The following LAMA3 variants were observed in gnomAD, a reference collection of about 807,000 sequenced individuals.
LAMA3 encodes laminin subunit alpha 3.
Under a neutral mutation model 402.0 loss-of-function variants are expected in LAMA3, and 281 were observed. The observed-to-expected ratio is 0.70, with a 90% CI of 0.63 to 0.77. The LOEUF is 0.77. Among genes scored for constraint, LAMA3 ranks in the 30% least tolerant of loss-of-function variants. LAMA3 has a pLI of 0.00. For missense variants in LAMA3, 3,840 were observed against 4,215.5 expected, an observed-to-expected ratio of 0.91 and a Z score of 2.47; for synonymous variants, 1,431 against 1,558.4, an observed-to-expected ratio of 0.92 and a Z score of 1.93.
chr18:23,928,362 A>T, intron 63 of LAMA3, 122 bp downstream of exon 63: 2 of 762,802 alleles, frequency 2.6e-6, no homozygotes, highest in Non-Finnish European at 4.7e-6. Flanking sequence ...GAACTGGCTC[A>T]TATACACTCC....
chr18:23,824,179 TA>T (rs1440387685), intron 20 of LAMA3, among the ~76,000 whole-genome samples: 1 of 152,252 alleles, frequency 6.6e-6, no homozygotes, highest in African/African-American at 2.4e-5. Context: ...TTTAATAAGT[TA>T]AACAATTATT....
intron 50 of LAMA3, among the ~76,000 whole-genome samples, chr18:23,904,339 C>G (rs777191110): frequency 1.3e-5 from 2 of 151,862 alleles, no homozygotes; most frequent in Non-Finnish European, 2.9e-5. Context: ...AAATGAAATG[C>G]GAAGAGGCTG....
chr18:23,814,336 C>A, intron 14 of LAMA3, 67 bp from the exon 15 acceptor site: 1 of 1,171,528 alleles, frequency 8.5e-7, no homozygotes, highest in Non-Finnish European at 1.3e-6. Flanking sequence ...AGTCTTTGCT[C>A]ACGCACAGGT....
At chr18:23,898,924 T>A (rs1478092273) in intron 45 of LAMA3, 30 bp from the exon 46 acceptor site, 1 of 1,592,940 alleles carries the variant, frequency 6.3e-7, no homozygotes. Context: ...TTGACTTAAT[T>A]TGCTGCTAAT....
chr18:23,921,418 G>A (rs780604494), intron 61 of LAMA3, 34 bp from the exon 62 acceptor site: 18 of 1,606,822 alleles, frequency 1.1e-5, no homozygotes, highest in Middle Eastern at 1.7e-4. Context: ...TCTTATTTTC[G>A]CTGGCTTGCT....
intron 54 of LAMA3, among the ~76,000 whole-genome samples, chr18:23,908,851 G>T (rs1283930320): frequency 6.6e-6 from 1 of 152,216 alleles, no homozygotes; most frequent in African/African-American, 2.4e-5. Context: ...ATTCACATGG[G>T]TGGGACCATA....
rs1462634944 is a variant in LAMA3, at chr18:23,910,244, G to T, written c.7158+949G>T. On this transcript the variant is annotated intron_variant, in intron 55 of 74. Transcript: ENST00000313654. ...CCAGACTGTCTTGGTTTCAATTCTTGCTCTGCCTTTGGTGAGCTGTGAGAC... is the reference window on the plus strand; with the variant it reads ...CCAGACTGTCTTGGTTTCAATTCTTTCTCTGCCTTTGGTGAGCTGTGAGAC... Among the ~76,000 whole-genome samples the T allele has an allele frequency of 4.6e-5, 7 of 152,160 alleles. No individual in the cohort carries two copies. The East Asian group carries it at 1.3e-3, about 29-fold the overall frequency.
At chr18:23,882,439 G>C (rs532442519) in intron 40 of LAMA3, among the ~76,000 whole-genome samples, 1 of 152,076 alleles carries the variant, frequency 6.6e-6, no homozygotes, top group East Asian at 1.9e-4. Flanking sequence ...AGACCAGCCT[G>C]GCCAACATGG....
In LAMA3 at chr18:23,758,414, G is replaced by A. The variant is rs370117238; in HGVS notation, c.966G>A (p.Gln322=). 2 of 1,613,848 alleles carry A rather than the reference G, an allele frequency of 1.2e-6. No individual in the cohort carries two copies. The highest frequency in any genetic ancestry group is 2.7e-5 in the African/African-American group (2 of 74,952). ...TGCCCAGGTTTCGGTGTGAATGCCAGCACCACACCTGTGGGGAGACGTGTG... is the reference window on the plus strand; with the variant it reads ...TGCCCAGGTTTCGGTGTGAATGCCAACACCACACCTGTGGGGAGACGTGTG... The part of the protein sequence containing the change: ...NPEKLFRCEC[Q]HHTCGETCDR... Residue 322 remains glutamine (Q), a synonymous_variant, in exon 7 of 75, where the codon CAG becomes CAA. Coordinates refer to ENST00000313654, the MANE Select transcript of LAMA3 (RefSeq NM_198129.4).
chr18:23,939,716 T>C (rs1481525087), intron 68 of LAMA3, among the ~76,000 whole-genome samples: 1 of 152,256 alleles, frequency 6.6e-6, no homozygotes, highest in Non-Finnish European at 1.5e-5. Context: ...TAAATCACCT[T>C]TCTTTTCTTG....
intron 37 of LAMA3, among the ~76,000 whole-genome samples, chr18:23,868,410 C>T (rs140018077): frequency 1.4e-3 from 212 of 152,178 alleles, no homozygotes; most frequent in African/African-American, 5.0e-3. Context: ...TCTTAAAAAC[C>T]CCATGAGTCA....
chr18:23,844,784 C>T (rs1598906084), intron 29 of LAMA3, among the ~76,000 whole-genome samples: 3 of 152,324 alleles, frequency 2.0e-5, no homozygotes, highest in Admixed American at 2.0e-4. Context: ...ATAATACTTA[C>T]AGATTGAGCA....
chr18:23,948,528 T>C (rs1374464841), intron 70 of LAMA3, among the ~76,000 whole-genome samples: 1 of 152,158 alleles, frequency 6.6e-6, no homozygotes, highest in African/African-American at 2.4e-5. Context: ...TTACTGTTGA[T>C]GCTGGCACCA....
chr18:23,841,102 A>G (rs2063691948), intron 27 of LAMA3, among the ~76,000 whole-genome samples: 1 of 152,224 alleles, frequency 6.6e-6, no homozygotes, highest in Non-Finnish European at 1.5e-5. Flanking sequence ...ACAGAATCAA[A>G]TAAAATCCCA....
chr18:23,723,410 C>T (rs1006393123), intron 2 of LAMA3, among the ~76,000 whole-genome samples: 5 of 152,036 alleles, frequency 3.3e-5, no homozygotes, highest in African/African-American at 1.2e-4. Flanking sequence ...TCTTTATCGA[C>T]ACAACATGTG....
At position 23,714,064 on chromosome 18, in the gene LAMA3, C is replaced by T; in HGVS notation, c.439C>T (p.Leu147=). ...QYNRVNLTLD[L]GQLFHVAYIL... ...CAACAGAGTCAACCTCACCTTGGAT[C>T]TGGGGCAGGTGAGCTACACTTTTAA... The change falls in exon 2 of 75, where the codon CTG becomes TTG. Residue 147 remains leucine, a synonymous_variant. Transcript: ENST00000313654. 1 of 1,613,774 alleles carries T rather than the reference C, an allele frequency of 6.2e-7. No individual in the cohort carries two copies. Among genetic ancestry groups the T allele is most frequent in the Non-Finnish European group, 8.5e-7 (1 of 1,179,878 alleles).
chr18:23,898,156 T>C (rs1420354817), intron 44 of LAMA3: 1 of 154,766 alleles, frequency 6.5e-6, no homozygotes, highest in Non-Finnish European at 1.4e-5. Flanking sequence ...ATGAGGCAAT[T>C]TAGCCTAAAA....
Position 23,939,255 on chromosome 18 carries a change from G to A in LAMA3, c.8895G>A (p.Arg2965=), listed in dbSNP as rs756696516. Residue 2965 remains arginine, a synonymous_variant, in exon 68 of 75, where the codon AGG becomes AGA. Transcript: ENST00000313654. ...LLQDTPVASP[R]SVKVWQDACS... ...AGGACACACCAGTGGCCTCCCCAAG[G>A]AGCGTGAAGGTGTGGCAAGATGCTT... 2.5e-6 allele frequency: 4 copies of A among 1,614,068 alleles called. No individual in the cohort carries two copies. The highest frequency in any genetic ancestry group is 2.2e-5 in the East Asian group (1 of 44,898).
chr18:23,731,273 A>T (rs1762370084), intron 2 of LAMA3, among the ~76,000 whole-genome samples: 2 of 152,154 alleles, frequency 1.3e-5, no homozygotes, highest in South Asian at 4.1e-4. Context: ...TAAGAGTGGG[A>T]TTCTAAATAT....
Sources: allele counts gnomAD v4.1 joint callset (sites outside exome capture counted in the v4.1 genomes callset), GRCh38; gene constraint gnomAD v4.1.1; transcripts MANE v1.5; gene names NCBI Gene and HGNC (gene_info 2026-07-23, HGNC 2026-07-21).